Variants in GABRB1 observed in about 807,000 individuals in gnomAD.
GABRB1 encodes gamma-aminobutyric acid type A receptor subunit beta1.
GABRB1 carries 17 observed loss-of-function variants against 51.6 expected under a neutral mutation model. The ratio of observed to expected loss-of-function variants is 0.33; its 90% CI spans 0.23 to 0.49. GABRB1 has a LOEUF of 0.49. Among genes scored for constraint, GABRB1 ranks in the 20% least tolerant of loss-of-function variants. The pLI is 0.99. For missense variants in GABRB1, 410 were observed against 600.6 expected, an observed-to-expected ratio of 0.68 and a Z score of 3.32; for synonymous variants, 247 against 218.9, an observed-to-expected ratio of 1.13 and a Z score of -1.14.
At chr4:47,404,235 A>C (rs753413462) in intron 7 of GABRB1, among the ~76,000 whole-genome samples, 31 of 152,200 alleles carry the variant, frequency 2.0e-4, no homozygotes, top group Non-Finnish European at 3.7e-4. Context: ...TTCATCAGCT[A>C]TATTAATAAT....
chr4:47,222,316 C>CCT (rs1241907022), intron 4 of GABRB1, among the ~76,000 whole-genome samples: 2 of 152,084 alleles, frequency 1.3e-5, no homozygotes, highest in Non-Finnish European at 2.9e-5. Context: ...ACTGTATGTG[C>CCT]CTCTGTGGCA....
intron 3 of GABRB1, among the ~76,000 whole-genome samples, chr4:47,069,956 C>T (rs1049483417): frequency 6.6e-6 from 1 of 152,106 alleles, no homozygotes; most frequent in Non-Finnish European, 1.5e-5. Flanking sequence ...ATGTTGCTAC[C>T]CCTAATGGTC....
chr4:47,241,554 T>C (rs1035939066), intron 4 of GABRB1, among the ~76,000 whole-genome samples: 1 of 152,142 alleles, frequency 6.6e-6, no homozygotes, highest in Non-Finnish European at 1.5e-5. Flanking sequence ...CTTTGTCTCC[T>C]TACTAAAATG....
intron 3 of GABRB1, among the ~76,000 whole-genome samples, chr4:47,130,309 G>T (rs1023120812): frequency 6.7e-6 from 1 of 148,198 alleles, no homozygotes; most frequent in Non-Finnish European, 1.5e-5. Context: ...CCCCCATAAT[G>T]TCTGGGCTCC....
intron 3 of GABRB1, among the ~76,000 whole-genome samples, chr4:47,116,113 G>T (rs973038832): frequency 1.3e-5 from 2 of 152,128 alleles, no homozygotes; most frequent in African/African-American, 4.8e-5. Flanking sequence ...GTTTTTACTT[G>T]CTAGTTGTAT....
At chr4:47,008,668 G>A (rs576168687) in intron 1 of GABRB1, among the ~76,000 whole-genome samples, 4 of 133,714 alleles carry the variant, frequency 3.0e-5, no homozygotes, top group African/African-American at 8.4e-5. Flanking sequence ...TAGTAGAGAC[G>A]AGGTTTCACC....
intron 4 of GABRB1, among the ~76,000 whole-genome samples, chr4:47,299,383 A>G (rs1724150895): frequency 6.6e-6 from 1 of 152,208 alleles, no homozygotes; most frequent in Non-Finnish European, 1.5e-5. Flanking sequence ...GAACTCAAAC[A>G]AATTTACAAG....
At chr4:46,993,701 GA>G (rs1197238066), upstream of GABRB1, 7 of 362,076 alleles carry the variant, frequency 1.9e-5, no homozygotes, top group African/African-American at 1.3e-4. Context: ...CCCGCGCGCT[GA>G]AGGTTCTGGG....
chr4:47,365,147 T>C (rs17461863), intron 5 of GABRB1, among the ~76,000 whole-genome samples: 82,207 of 151,992 alleles, frequency 0.54, 22,879 homozygotes, highest in African/African-American at 0.62. Flanking sequence ...CTCCGGTCCC[T>C]GTATGGAGGT....
chr4:47,066,964 A>G (rs901586975), intron 3 of GABRB1, among the ~76,000 whole-genome samples: 1 of 152,200 alleles, frequency 6.6e-6, no homozygotes, highest in Non-Finnish European at 1.5e-5. Flanking sequence ...GTTTTCTTAG[A>G]TAATAGGACT....
At chr4:47,162,461 A>AT (rs1272973021) in intron 4 of GABRB1, among the ~76,000 whole-genome samples, 1 of 151,820 alleles carries the variant, frequency 6.6e-6, no homozygotes, top group Admixed American at 6.6e-5. Flanking sequence ...GAGCAACTAG[A>AT]TTTTTTTTGC....
intron 3 of GABRB1, among the ~76,000 whole-genome samples, chr4:47,117,417 C>T (rs976111407): frequency 2.0e-5 from 3 of 152,078 alleles, no homozygotes; most frequent in Non-Finnish European, 2.9e-5. Context: ...GTGCTGAGTC[C>T]CACTGGGTGA....
rs527542379 is a variant in GABRB1 at position 47,297,018 on chromosome 4, A to C, written c.462-23109A>C. 2.3e-4 allele frequency among the ~76,000 whole-genome samples: 35 copies of C among 152,328 alleles called. No individual in the cohort carries two copies. In the South Asian group the frequency reaches 3.1e-3, roughly 14 times the overall value. ...CTGCTCCTGAATGACTACTGGGTAC[A>C]TAATGAAATGAAGGCAGAAATAAAG... is the stretch of plus-strand genomic sequence containing the variant. On this transcript the variant is annotated intron_variant, in intron 4 of 8. Transcript: ENST00000295454.
chr4:47,409,200 A>G (rs76936781), intron 8 of GABRB1, among the ~76,000 whole-genome samples: 17,280 of 152,160 alleles, frequency 0.11, 1,032 homozygotes, highest in Middle Eastern at 0.15. Context: ...TAGGTGTGTT[A>G]CAGTGCTCCT....
intron 4 of GABRB1, among the ~76,000 whole-genome samples, chr4:47,287,182 T>C (rs1488880137): frequency 1.3e-5 from 2 of 152,102 alleles, no homozygotes; most frequent in Non-Finnish European, 2.9e-5. Flanking sequence ...AGAATTCAGG[T>C]GCTGAGGTTC....
At chr4:47,277,950 A>C (rs1216565752) in intron 4 of GABRB1, among the ~76,000 whole-genome samples, 1 of 152,070 alleles carries the variant, frequency 6.6e-6, no homozygotes, top group Non-Finnish European at 1.5e-5. Context: ...CACATTTTCT[A>C]AGAGGGTGTC....
At chr4:47,056,033 C>T (rs1450910453) in intron 3 of GABRB1, among the ~76,000 whole-genome samples, 1 of 152,140 alleles carries the variant, frequency 6.6e-6, no homozygotes, top group Non-Finnish European at 1.5e-5. Flanking sequence ...TCTTAAGTAT[C>T]TTCTATGGAA....
At position 47,192,226 on chromosome 4, in the gene GABRB1, A is replaced by G. The variant is rs115738493; in HGVS notation, c.461+30757A>G. The stretch of plus-strand genomic sequence containing the variant: ...TTACTTTACTATCAGCCTAGTGGGA[A>G]ATGGTGTGGAAACCCAAATATGTTG... On this transcript the variant is annotated intron_variant, in intron 4 of 8. Transcript: ENST00000295454. Among the ~76,000 whole-genome samples, 1,224 of 152,146 alleles carry G rather than the reference A, an allele frequency of 8.0e-3. 14 individuals are homozygous for G. Among genetic ancestry groups the G allele is most frequent in the African/African-American group, 0.028 (1,161 of 41,514 alleles).
intron 3 of GABRB1, among the ~76,000 whole-genome samples, chr4:47,037,530 T>G (rs948132346): frequency 2.1e-5 from 3 of 140,096 alleles, no homozygotes; most frequent in African/African-American, 8.1e-5. Context: ...ATATATTCGT[T>G]TTTTTTTGTT....
Sources: gnomAD v4.1 joint callset for allele counts (sites outside exome capture counted in the v4.1 genomes callset) on GRCh38, gnomAD v4.1.1 for gene constraint, MANE v1.5 for transcripts, NCBI Gene and HGNC (gene_info 2026-07-23, HGNC 2026-07-21) for gene names.